Variants in ZSWIM6 observed in about 807,000 individuals in gnomAD.
ZSWIM6 encodes zinc finger SWIM domain-containing protein 6.
In ZSWIM6, 9 loss-of-function variants were observed where a neutral mutation model predicts 113.2. The ratio of observed to expected loss-of-function variants is 0.08; its 90% CI spans 0.05 to 0.14. The LOEUF (loss-of-function observed/expected upper bound fraction) is 0.14, where lower values mean the gene tolerates loss of function less well. Among genes scored for constraint, ZSWIM6 ranks in the 10% least tolerant of loss-of-function variants. The pLI, the probability that ZSWIM6 is intolerant of heterozygous loss-of-function variation, is 1.00. For missense variants in ZSWIM6, 1,162 were observed against 1,552.2 expected (o/e 0.75, Z 4.22); for synonymous variants, 611 against 606.5 (o/e 1.01, Z -0.11).
chr5:61,451,954 T>C (rs2112158377), intron 1 of ZSWIM6, among the ~76,000 whole-genome samples: 1 of 152,288 alleles, frequency 6.6e-6, no homozygotes, highest in South Asian at 2.1e-4. Flanking sequence ...TATGTAAGTA[T>C]GTATGAGTTA....
At chr5:61,377,542 A>T (rs922490688) in intron 1 of ZSWIM6, among the ~76,000 whole-genome samples, 1 of 152,086 alleles carries the variant, frequency 6.6e-6, no homozygotes, top group African/African-American at 2.4e-5. Flanking sequence ...TCATGGTGAA[A>T]CCCCGTCTCT....
intron 1 of ZSWIM6, among the ~76,000 whole-genome samples, chr5:61,340,822 G>A (rs1744527684): frequency 6.6e-6 from 1 of 152,222 alleles, no homozygotes; most frequent in African/African-American, 2.4e-5. Flanking sequence ...TGTATTCCTA[G>A]ATAGCATTTT....
At chr5:61,491,577 T>C (rs1209870031) in intron 3 of ZSWIM6, among the ~76,000 whole-genome samples, 1 of 152,096 alleles carries the variant, frequency 6.6e-6, no homozygotes, top group African/African-American at 2.4e-5. Flanking sequence ...TTTATCTGGG[T>C]CATAAGTTCC....
At chr5:61,437,579 T>C (rs1561237208) in intron 1 of ZSWIM6, among the ~76,000 whole-genome samples, 2 of 151,886 alleles carry the variant, frequency 1.3e-5, no homozygotes, top group Non-Finnish European at 2.9e-5. Context: ...AAAAATTAGC[T>C]GAGCATGGTA....
Position 61,490,999 on chromosome 5 carries a change from G to A in ZSWIM6, c.1182+65G>A, listed in dbSNP as rs911611171. 7 of 1,392,500 alleles carry A rather than the reference G, an allele frequency of 5.0e-6. No homozygotes were observed. The African/African-American group carries it at 1.1e-4, about 21-fold the overall frequency. The allele number at this position is 1,392,500 out of a possible 1,614,324, so 86.3% of individuals were successfully genotyped here. On this transcript the variant is annotated intron_variant, in intron 3 of 13. Coordinates refer to ENST00000252744, the MANE Select transcript of ZSWIM6 (RefSeq NM_020928.2). ...ACATATATAGGGACTATCTGAATAT[G>A]ATCATGTCTACAATAGGATAAAGAC...
intron 2 of ZSWIM6, among the ~76,000 whole-genome samples, chr5:61,489,226 C>A (rs1274354259): frequency 6.6e-6 from 1 of 151,874 alleles, no homozygotes; most frequent in Non-Finnish European, 1.5e-5. Context: ...GCTTTTAATC[C>A]ACTTAAGGCA....
intron 1 of ZSWIM6, among the ~76,000 whole-genome samples, chr5:61,463,907 A>T (rs1185605379): frequency 6.6e-6 from 1 of 152,096 alleles, no homozygotes; most frequent in Non-Finnish European, 1.5e-5. Context: ...ACAGAGATGA[A>T]AGAGCTCTGC....
chr5:61,530,245 C>T, intron 8 of ZSWIM6, 47 bp downstream of exon 8: 5 of 1,508,414 alleles, frequency 3.3e-6, no homozygotes, highest in Non-Finnish European at 4.5e-6. Context: ...TTTCTAAACC[C>T]TGAATGGCAG....
rs1026191832 is a variant in ZSWIM6, at chr5:61,403,306, T to C, written c.677-69375T>C. On this transcript the variant is annotated intron_variant, in intron 1 of 13. Coordinates refer to ENST00000252744, the MANE Select transcript of ZSWIM6 (RefSeq NM_020928.2). ...GCCCAGTTCTTTATTACCAAAATTA[T>C]AGCATTTTTAGGGTTTAGAACTCTC... 4.6e-5 allele frequency among the ~76,000 whole-genome samples: 7 copies of C among 152,350 alleles called. No homozygotes were observed. In the South Asian group the frequency reaches 1.4e-3, roughly 32 times the overall value.
At position 61,345,648 on chromosome 5, in the gene ZSWIM6, T is replaced by G. The variant is rs140883708; in HGVS notation, c.676+12700T>G. Among the ~76,000 whole-genome samples the G allele has an allele frequency of 6.4e-3, 974 of 152,326 alleles. 8 individuals are homozygous for G. The highest frequency in any genetic ancestry group is 0.02 in the African/African-American group (843 of 41,564). ...GAATACAAATGGAAACGCTGATGAT[T>G]ATTTGCTTATCCAGTGAGTAGTGGT... is the stretch of plus-strand genomic sequence containing the variant. On this transcript the variant is annotated intron_variant, in intron 1 of 13. Transcript: ENST00000252744.
intron 1 of ZSWIM6, among the ~76,000 whole-genome samples, chr5:61,334,216 C>T (rs962427045): frequency 3.3e-5 from 5 of 152,152 alleles, no homozygotes; most frequent in African/African-American, 9.7e-5. Context: ...TCTCCTGTTC[C>T]CCCTCCCCTA....
chr5:61,489,782 T>C (rs1042642778), intron 2 of ZSWIM6, among the ~76,000 whole-genome samples: 1 of 152,024 alleles, frequency 6.6e-6, no homozygotes, highest in Non-Finnish European at 1.5e-5. Flanking sequence ...GCTGACTGGC[T>C]GAATGAATGA....
intron 1 of ZSWIM6, among the ~76,000 whole-genome samples, chr5:61,378,660 G>T (rs1745419005): frequency 6.6e-6 from 1 of 152,008 alleles, no homozygotes; most frequent in Admixed American, 6.6e-5. Context: ...GGTTCAATCG[G>T]TTTTCCTGCC....
intron 1 of ZSWIM6, among the ~76,000 whole-genome samples, chr5:61,440,846 A>T (rs539008297): frequency 3.3e-5 from 5 of 152,280 alleles, no homozygotes; most frequent in Non-Finnish European, 5.9e-5. Context: ...ACAAAGATGA[A>T]TAAAACAGCT....
At chr5:61,347,916 T>C (rs1247806238) in intron 1 of ZSWIM6, among the ~76,000 whole-genome samples, 1 of 152,122 alleles carries the variant, frequency 6.6e-6, no homozygotes, top group Non-Finnish European at 1.5e-5. Flanking sequence ...GTGATCTTTT[T>C]GAATTAAAAA....
intron 2 of ZSWIM6, among the ~76,000 whole-genome samples, chr5:61,474,121 G>GTAAC (rs1293143497): frequency 6.6e-6 from 1 of 152,086 alleles, no homozygotes; most frequent in Non-Finnish European, 1.5e-5. Flanking sequence ...TCTTCCCTTG[G>GTAAC]TAACCACTGC....
chr5:61,470,156 A>T (rs1288795371), intron 1 of ZSWIM6, among the ~76,000 whole-genome samples: 1 of 152,210 alleles, frequency 6.6e-6, no homozygotes, highest in Non-Finnish European at 1.5e-5. Flanking sequence ...ATGGGGAAAA[A>T]GTTATCTCCA....
chr5:61,348,375 A>C (rs1015191989), intron 1 of ZSWIM6, among the ~76,000 whole-genome samples: 3 of 152,142 alleles, frequency 2.0e-5, no homozygotes, highest in Non-Finnish European at 4.4e-5. Context: ...AGATATAGAG[A>C]GTTCTCACCC....
At chr5:61,345,289 A>G (rs1744633411) in intron 1 of ZSWIM6, among the ~76,000 whole-genome samples, 1 of 152,174 alleles carries the variant, frequency 6.6e-6, no homozygotes, top group Admixed American at 6.5e-5. Flanking sequence ...TATATTTAAA[A>G]CTTACTGTTC....
Sources: allele counts gnomAD v4.1 joint callset (sites outside exome capture counted in the v4.1 genomes callset), GRCh38; gene constraint gnomAD v4.1.1; transcripts MANE v1.5; gene names NCBI Gene and HGNC (gene_info 2026-07-23, HGNC 2026-07-21).